Variants in PPIL6 observed in about 807,000 individuals in gnomAD.
PPIL6 encodes the protein probable inactive peptidyl-prolyl cis-trans isomerase-like 6.
Under a neutral mutation model 36.8 loss-of-function variants are expected in PPIL6, and 39 were observed. The observed-to-expected ratio is 1.06, with a 90% CI of 0.82 to 1.38. The LOEUF is 1.38. Among genes scored for constraint, PPIL6 ranks in the 40% most tolerant of loss-of-function variants. The pLI is 0.00. For synonymous variants in PPIL6, 123 were observed against 134.1 expected (o/e 0.92, Z 0.57); for missense variants, 368 against 379.1 (o/e 0.97, Z 0.24).
rs1774798074 is a variant in PPIL6 at position 109,440,594 on chromosome 6, C to G, written c.-4G>C. ...CGCACGGCTGCGGCCTTGCCATGGC[C>G]GCGCCCGGGGACGCCCGGTGACCCC... is the stretch of plus-strand genomic sequence containing the variant. On this transcript the variant is annotated 5_prime_UTR_variant, in exon 1 of 8. Transcript: ENST00000521072. The G allele has an allele frequency of 7.4e-7, 1 of 1,345,452 alleles. No homozygotes were observed. The highest frequency in any genetic ancestry group is 9.5e-7 in the Non-Finnish European group (1 of 1,049,914). 83.3% of individuals were successfully genotyped at this position (1,345,452 alleles called of 1,614,324 possible).
chr6:109,429,027 T>C (rs755788169), intron 3 of PPIL6, among the ~76,000 whole-genome samples: 5 of 152,200 alleles, frequency 3.3e-5, no homozygotes, highest in Non-Finnish European at 7.3e-5. Context: ...CACAAGGTAA[T>C]GTCCCAGTCA....
intron 7 of PPIL6, among the ~76,000 whole-genome samples, chr6:109,399,135 T>C (rs1338984705): frequency 6.6e-6 from 1 of 151,814 alleles, no homozygotes; most frequent in Non-Finnish European, 1.5e-5. Flanking sequence ...TAAGACAGAG[T>C]CTTGCTCTGT....
rs559100730 is a variant in PPIL6, at chr6:109,428,381, TC to T, written c.421-1226del. ...GCCTGGGCAACATGGTGAGACCCTG[TC>T]TTTACAAAAAAATTAAGAAATTAGC... On this transcript the variant is annotated intron_variant, in intron 3 of 7. Coordinates refer to ENST00000521072, the MANE Select transcript of PPIL6 (RefSeq NM_173672.5). Among the ~76,000 whole-genome samples the T allele has an allele frequency of 6.2e-4, 94 of 152,060 alleles. 1 individual carries two copies. The South Asian group carries it at 0.019, about 31-fold the overall frequency.
chr6:109,412,231 G>T (rs1484858278), intron 6 of PPIL6, among the ~76,000 whole-genome samples: 1 of 152,170 alleles, frequency 6.6e-6, no homozygotes, highest in Admixed American at 6.5e-5. Context: ...CTGTAAAACT[G>T]TCCTGAGCTG....
At chr6:109,419,487 C>T (rs1441781219) in intron 5 of PPIL6, among the ~76,000 whole-genome samples, 2 of 152,076 alleles carry the variant, frequency 1.3e-5, no homozygotes, top group South Asian at 2.1e-4. Flanking sequence ...CTTTGGGAAG[C>T]CGAGGCAGGC....
chr6:109,401,323 C>T (rs1362105940), intron 6 of PPIL6, among the ~76,000 whole-genome samples: 3 of 152,130 alleles, frequency 2.0e-5, no homozygotes, highest in Non-Finnish European at 4.4e-5. Flanking sequence ...CCATTCCCAG[C>T]TTTGCCTCCA....
intron 7 of PPIL6, among the ~76,000 whole-genome samples, chr6:109,395,051 G>C (rs1415970998): frequency 6.6e-6 from 1 of 152,062 alleles, no homozygotes; most frequent in Non-Finnish European, 1.5e-5. Context: ...CAAATCCTAG[G>C]AGTTACTCTA....
At chr6:109,403,630 T>C (rs1461583193) in intron 6 of PPIL6, among the ~76,000 whole-genome samples, 1 of 152,134 alleles carries the variant, frequency 6.6e-6, no homozygotes, top group Non-Finnish European at 1.5e-5. Flanking sequence ...GAAACTTGCC[T>C]AAGTAGAAAG....
intron 3 of PPIL6, among the ~76,000 whole-genome samples, chr6:109,429,387 C>T (rs922237718): frequency 9.2e-5 from 14 of 152,346 alleles, no homozygotes; most frequent in Admixed American, 4.6e-4. Context: ...CCAACTCCTT[C>T]GTTCAGATGG....
At chr6:109,398,275 C>G (rs80099392) in intron 7 of PPIL6, among the ~76,000 whole-genome samples, 1 of 152,168 alleles carries the variant, frequency 6.6e-6, no homozygotes. Context: ...CATTGTTTTA[C>G]GTTATGCATC....
At chr6:109,420,061 C>T (rs1773460859) in intron 5 of PPIL6, among the ~76,000 whole-genome samples, 1 of 151,714 alleles carries the variant, frequency 6.6e-6, no homozygotes, top group Non-Finnish European at 1.5e-5. Context: ...TAGAGCCAGG[C>T]GCGGTGACAC....
chr6:109,416,870 A>G (rs185439156), intron 6 of PPIL6, among the ~76,000 whole-genome samples: 1 of 152,268 alleles, frequency 6.6e-6, no homozygotes, highest in African/African-American at 2.4e-5. Flanking sequence ...ATACAAGACA[A>G]AAAAGGTATT....
At chr6:109,430,735 C>A (rs1239525743) in intron 3 of PPIL6, among the ~76,000 whole-genome samples, 3 of 152,154 alleles carry the variant, frequency 2.0e-5, no homozygotes, top group Non-Finnish European at 2.9e-5. Flanking sequence ...TGTGTTCATG[C>A]TTTAAAATGT....
chr6:109,421,493 C>T (rs1301221279), intron 5 of PPIL6, among the ~76,000 whole-genome samples: 1 of 152,212 alleles, frequency 6.6e-6, no homozygotes, highest in Admixed American at 6.5e-5. Flanking sequence ...AGCACTCAGG[C>T]AGTGTTTGGC....
intron 6 of PPIL6, among the ~76,000 whole-genome samples, chr6:109,411,297 A>G (rs1478192520): frequency 6.6e-6 from 1 of 152,212 alleles, no homozygotes; most frequent in African/African-American, 2.4e-5. Context: ...ACTTGACTCA[A>G]TCCCTAGAAT....
intron 6 of PPIL6, among the ~76,000 whole-genome samples, chr6:109,414,809 T>C (rs1391489355): frequency 6.6e-6 from 1 of 152,130 alleles, no homozygotes; most frequent in Non-Finnish European, 1.5e-5. Flanking sequence ...AATCCACATA[T>C]AACTTTTGAC....
At chr6:109,422,491 A>G (rs889229980) in intron 5 of PPIL6, among the ~76,000 whole-genome samples, 11 of 152,146 alleles carry the variant, frequency 7.2e-5, no homozygotes, top group Admixed American at 2.0e-4. Flanking sequence ...GCTACTTAGG[A>G]GGCTGAGAAG....
intron 1 of PPIL6, 141 bp from the exon 2 acceptor site, chr6:109,436,340 T>C: frequency 1.7e-6 from 1 of 598,740 alleles, no homozygotes; most frequent in African/African-American, 1.9e-5. Context: ...TATTCCTTGC[T>C]CGCTGTCAGA....
intron 6 of PPIL6, among the ~76,000 whole-genome samples, chr6:109,408,497 G>A (rs926784065): frequency 1.3e-5 from 2 of 151,684 alleles, no homozygotes; most frequent in Admixed American, 6.6e-5. Flanking sequence ...TTTTACTTAC[G>A]GTATAAACAT....
Sources: allele counts gnomAD v4.1 joint callset (sites outside exome capture counted in the v4.1 genomes callset), GRCh38; gene constraint gnomAD v4.1.1; transcripts MANE v1.5; gene names NCBI Gene and HGNC (gene_info 2026-07-23, HGNC 2026-07-21).